UNC13C: variants seen among roughly 807,000 people sequenced by gnomAD.
UNC13C encodes the protein unc-13 homolog C.
A neutral mutation model predicts 245.4 loss-of-function variants in UNC13C; 174 were observed. That is an observed-to-expected ratio of 0.71 (90% CI 0.63 to 0.80). The LOEUF is 0.80. Among genes scored for constraint, UNC13C ranks in the 30% least tolerant of loss-of-function variants. UNC13C has a pLI of 0.00. For synonymous variants in UNC13C, 992 were observed against 895.1 expected (o/e 1.11, Z -1.93); for missense variants, 2,829 against 2,602.9 (o/e 1.09, Z -1.89).
At chr15:53,960,349 T>TC in the UNC13C span, among the ~76,000 whole-genome samples, 2 of 151,122 alleles carry the variant, frequency 1.3e-5, no homozygotes, top group Non-Finnish European at 2.9e-5. Flanking sequence ...TTTTTTTTTT[T>TC]CCTAAATGGT....
intron 17 of UNC13C, among the ~76,000 whole-genome samples, chr15:54,360,729 T>G (rs1053010490): frequency 1.3e-5 from 2 of 152,094 alleles, no homozygotes. Context: ...CTGGATAGCT[T>G]TTCTTAGTAC....
chr15:53,904,866 G>C, the UNC13C span, among the ~76,000 whole-genome samples: 4 of 152,126 alleles, frequency 2.6e-5, no homozygotes, highest in Admixed American at 1.3e-4. Context: ...CTGAAGAATA[G>C]TTATAATATT....
chr15:54,549,298 A>G (rs1254262393), intron 27 of UNC13C, among the ~76,000 whole-genome samples: 1 of 152,182 alleles, frequency 6.6e-6, no homozygotes, highest in East Asian at 1.9e-4. Flanking sequence ...TGCAGGGAGT[A>G]GAATGAGGAA....
chr15:54,091,739 A>G (rs1034023283), intron 2 of UNC13C, among the ~76,000 whole-genome samples: 19 of 149,764 alleles, frequency 1.3e-4, no homozygotes, highest in Admixed American at 6.7e-4. Flanking sequence ...AAATTTTGTT[A>G]TCTCTTATAG....
In UNC13C at chr15:54,586,404, A is replaced by G. The variant is rs1175787556; in HGVS notation, c.6106+18457A>G. Among the ~76,000 whole-genome samples the G allele has an allele frequency of 1.3e-5, 2 of 152,168 alleles. 1 individual carries two copies. The highest frequency in any genetic ancestry group is 4.8e-5 in the African/African-American group (2 of 41,444). On this transcript the variant is annotated intron_variant, in intron 30 of 32. Coordinates refer to ENST00000260323, the MANE Select transcript of UNC13C (RefSeq NM_001080534.3). ...GGTTTTTGGTGAGATTGCTCTTCCT[A>G]TCTTGCAGACAGTTACCTTTTCATT...
chr15:54,524,906 C>T (rs1177160707), intron 24 of UNC13C, among the ~76,000 whole-genome samples: 1 of 152,092 alleles, frequency 6.6e-6, no homozygotes, highest in African/African-American at 2.4e-5. Flanking sequence ...TTGCTATTTA[C>T]GTGAATTTCT....
downstream of UNC13C, chr15:54,629,547 C>G (rs777981397): frequency 6.6e-6 from 1 of 152,036 alleles, no homozygotes; most frequent in Non-Finnish European, 1.5e-5. Flanking sequence ...ATGTATCTAC[C>G]TATATATTGC....
chr15:54,216,584 A>T (rs16974316), intron 4 of UNC13C, among the ~76,000 whole-genome samples: 1 of 151,860 alleles, frequency 6.6e-6, no homozygotes, highest in East Asian at 1.9e-4. Flanking sequence ...GTCACTTCCT[A>T]TACAAATTTA....
intron 19 of UNC13C, among the ~76,000 whole-genome samples, chr15:54,431,671 A>G (rs903130114): frequency 5.9e-5 from 9 of 151,714 alleles, no homozygotes; most frequent in Non-Finnish European, 8.9e-5. Context: ...TCTTCACATT[A>G]CTTTCTTTGG....
At chr15:54,464,859 T>C (rs1465363576) in intron 19 of UNC13C, among the ~76,000 whole-genome samples, 1 of 151,914 alleles carries the variant, frequency 6.6e-6, no homozygotes, top group Admixed American at 6.6e-5. Flanking sequence ...TAAATAGTAT[T>C]CAAAGGTATT....
the UNC13C span, among the ~76,000 whole-genome samples, chr15:53,967,143 A>G: frequency 4.8e-3 from 733 of 152,072 alleles, 4 homozygotes; most frequent in Non-Finnish European, 8.1e-3. Flanking sequence ...TATATGAACT[A>G]TGAACTATTA....
At chr15:54,611,978 T>C (rs1173794342) in intron 30 of UNC13C, among the ~76,000 whole-genome samples, 1 of 152,118 alleles carries the variant, frequency 6.6e-6, no homozygotes, top group Non-Finnish European at 1.5e-5. Context: ...ACTGTTGCAC[T>C]GATCACATGG....
At position 54,013,520 on chromosome 15, in the gene UNC13C, C is replaced by A. The variant is rs1895483893; in HGVS notation, c.617C>A (p.Ser206Tyr). The A allele has an allele frequency of 6.2e-7, 1 of 1,613,804 alleles. No individual in the cohort carries two copies. Among genetic ancestry groups the A allele is most frequent in the Non-Finnish European group, 8.5e-7 (1 of 1,179,822 alleles). ...TCAGAGTTAAGCACCATGAAAAAAT[C>A]CTGGGGAATAAGAAGTAAGTCTTTG... ...SDSELSTMKKSWGIRSKSLDR... is the reference protein window; with the variant it reads ...SDSELSTMKKYWGIRSKSLDR... The change falls in exon 2 of 33, where the codon TCC becomes TAC. Residue 206 changes from serine (S) to tyrosine (Y), a missense_variant. Transcript: ENST00000260323.
At chr15:54,352,661 A>G (rs1201023381) in intron 17 of UNC13C, among the ~76,000 whole-genome samples, 2 of 152,058 alleles carry the variant, frequency 1.3e-5, no homozygotes, top group East Asian at 3.9e-4. Context: ...TGGTGTCTAT[A>G]TATAATCTCT....
chr15:53,839,382 A>G, the UNC13C span, among the ~76,000 whole-genome samples: 5 of 152,246 alleles, frequency 3.3e-5, no homozygotes, highest in African/African-American at 9.6e-5. Context: ...TAGAATTAGC[A>G]ATTGATAACA....
chr15:54,038,124 A>ATATAAAAATTTTTTTTTTTTTTTTTTTT, intron 2 of UNC13C, among the ~76,000 whole-genome samples: 1 of 45,040 alleles, frequency 2.2e-5, no homozygotes, highest in African/African-American at 1.1e-4. Flanking sequence ...ATATATATAT[A>ATATAAAAATTTTTTTTTTTTTTTTTTTT]TTTTTTTTTT....
In UNC13C at chr15:54,439,726, A is replaced by G. The variant is rs1890415624; in HGVS notation, c.4933+24659A>G. Among the ~76,000 whole-genome samples the G allele has an allele frequency of 4.6e-5, 7 of 152,132 alleles. No individual in the cohort carries two copies. In the South Asian group the frequency reaches 1.2e-3, roughly 27 times the overall value. On this transcript the variant is annotated intron_variant, in intron 19 of 32. Coordinates refer to ENST00000260323, the MANE Select transcript of UNC13C (RefSeq NM_001080534.3). The stretch of plus-strand genomic sequence containing the variant: ...TCCATGCATATAATATGCAAGGATC[A>G]AGATAGGATATTTAGGGTATCCATC...
Position 54,224,306 on chromosome 15 carries a change from G to A in UNC13C, c.3072-10724G>A, listed in dbSNP as rs143239555. 3.9e-5 allele frequency among the ~76,000 whole-genome samples: 6 copies of A among 152,092 alleles called. No homozygotes were observed. The East Asian group carries it at 9.7e-4, about 24-fold the overall frequency. ...TGGCACTTTTAATGTGTTAAGGTAT[G>A]TTCTTTCTGGGAATTTGAAGGCTTT... On this transcript the variant is annotated intron_variant, in intron 4 of 32. Coordinates refer to ENST00000260323, the MANE Select transcript of UNC13C (RefSeq NM_001080534.3).
chr15:54,338,243 C>A, intron 16 of UNC13C, 118 bp from the exon 17 acceptor site: 1 of 1,205,274 alleles, frequency 8.3e-7, no homozygotes, highest in South Asian at 2.1e-5. Context: ...TAAGATGACA[C>A]TTACTGAACA....
Sources: allele counts gnomAD v4.1 joint callset (sites outside exome capture counted in the v4.1 genomes callset), GRCh38; gene constraint gnomAD v4.1.1; transcripts MANE v1.5; gene names NCBI Gene and HGNC (gene_info 2026-07-23, HGNC 2026-07-21).